Variants in TENM2 observed in about 807,000 individuals in gnomAD.
TENM2 encodes teneurin transmembrane protein 2, also known as teneurin-2.
TENM2 carries 52 observed loss-of-function variants against 245.2 expected under a neutral mutation model. That is an observed-to-expected ratio of 0.21 (90% CI 0.17 to 0.27). The LOEUF (loss-of-function observed/expected upper bound fraction) is 0.27, where lower values mean the gene tolerates loss of function less well. Ranked by LOEUF, TENM2 falls within the 10% of genes least tolerant of loss-of-function variation. The pLI, the probability that TENM2 is intolerant of heterozygous loss-of-function variation, is 1.00. For missense variants in TENM2, 3,046 were observed against 3,666.8 expected (o/e 0.83, Z 4.37); for synonymous variants, 1,363 against 1,438.9 (o/e 0.95, Z 1.19).
chr5:167,904,548 C>G (rs1056595902), intron 3 of TENM2, among the ~76,000 whole-genome samples: 3 of 152,134 alleles, frequency 2.0e-5, no homozygotes, highest in African/African-American at 7.2e-5. Context: ...GGATACTGAT[C>G]GAGCTTGCAT....
chr5:167,084,327 T>A, the TENM2 span, among the ~76,000 whole-genome samples: 34 of 23,166 alleles, frequency 1.5e-3, no homozygotes, highest in African/African-American at 3.0e-3. Flanking sequence ...GCCATTTTAG[T>A]TATATATATA....
chr5:167,702,735 ACTCACTGCAAC>A (rs2150446923), intron 2 of TENM2, among the ~76,000 whole-genome samples: 1 of 151,620 alleles, frequency 6.6e-6, no homozygotes, highest in East Asian at 2.0e-4. Flanking sequence ...TACAATCTCG[ACTCACTGCAAC>A]CTCCGCCTCC....
intron 27 of TENM2, among the ~76,000 whole-genome samples, chr5:168,252,672 C>T (rs1268134655): frequency 2.6e-5 from 4 of 151,350 alleles, no homozygotes; most frequent in Non-Finnish European, 5.9e-5. Context: ...GGTGAAACCC[C>T]GTCTCTACTA....
chr5:167,781,149 A>G (rs1056882543), intron 2 of TENM2, among the ~76,000 whole-genome samples: 4 of 152,194 alleles, frequency 2.6e-5, no homozygotes, highest in Non-Finnish European at 4.4e-5. Flanking sequence ...CATCTTTACA[A>G]AAAATGCACA....
At chr5:167,779,766 T>C (rs1764061599) in intron 2 of TENM2, among the ~76,000 whole-genome samples, 1 of 152,254 alleles carries the variant, frequency 6.6e-6, no homozygotes, top group Non-Finnish European at 1.5e-5. Context: ...TGTAACATTT[T>C]AGATAAGCCC....
intron 13 of TENM2, among the ~76,000 whole-genome samples, chr5:168,178,498 A>C (rs1759555503): frequency 6.6e-6 from 1 of 152,110 alleles, no homozygotes; most frequent in Non-Finnish European, 1.5e-5. Flanking sequence ...GGTATAAAAA[A>C]CGTGGCTCTA....
chr5:167,391,067 C>T (rs1002943038), intron 2 of TENM2, among the ~76,000 whole-genome samples: 2 of 152,148 alleles, frequency 1.3e-5, no homozygotes, highest in African/African-American at 4.8e-5. Flanking sequence ...CCCAAACCCA[C>T]CTACCCATCA....
At chr5:167,833,146 C>T (rs778442474) in intron 2 of TENM2, among the ~76,000 whole-genome samples, 3 of 152,108 alleles carry the variant, frequency 2.0e-5, no homozygotes, top group Admixed American at 6.5e-5. Flanking sequence ...TTATTTTATA[C>T]ATTTATTTAT....
chr5:167,559,488 T>G (rs1022353333), intron 2 of TENM2, among the ~76,000 whole-genome samples: 10 of 152,318 alleles, frequency 6.6e-5, no homozygotes, highest in African/African-American at 2.4e-4. Flanking sequence ...GGACTTGGTT[T>G]CTGACTTTCT....
intron 2 of TENM2, among the ~76,000 whole-genome samples, chr5:167,641,440 A>G (rs1363193442): frequency 6.6e-6 from 1 of 152,170 alleles, no homozygotes. Flanking sequence ...TAAGGAACTT[A>G]TCAAGATGGT....
At chr5:167,466,668 A>T (rs1766673474) in intron 2 of TENM2, among the ~76,000 whole-genome samples, 1 of 152,210 alleles carries the variant, frequency 6.6e-6, no homozygotes, top group Admixed American at 6.5e-5. Flanking sequence ...GACATTCAAT[A>T]TTCCAAAAAT....
At chr5:167,184,483 G>C in the TENM2 span, among the ~76,000 whole-genome samples, 4 of 152,162 alleles carry the variant, frequency 2.6e-5, no homozygotes, top group Non-Finnish European at 5.9e-5. Context: ...GGGGTGGAGG[G>C]AAGTGTCTCA....
At chr5:167,850,150 C>T (rs938971135) in intron 2 of TENM2, among the ~76,000 whole-genome samples, 1 of 152,142 alleles carries the variant, frequency 6.6e-6, no homozygotes, top group Admixed American at 6.5e-5. Flanking sequence ...CATGAGAAGA[C>T]AAAAGACTTT....
intron 1 of TENM2, among the ~76,000 whole-genome samples, chr5:167,347,906 C>T (rs1050391164): frequency 6.6e-6 from 1 of 152,110 alleles, no homozygotes; most frequent in East Asian, 1.9e-4. Context: ...CACAAGACTA[C>T]GGCAGATGGA....
intron 15 of TENM2, among the ~76,000 whole-genome samples, 161 bp from the exon 18 acceptor site, chr5:168,198,692 A>T (rs1761675002): frequency 6.6e-6 from 1 of 152,168 alleles, no homozygotes. Flanking sequence ...CTCAGCTAGT[A>T]AGTGATAGAG....
chr5:168,012,443 G>A (rs1479380071), intron 5 of TENM2, among the ~76,000 whole-genome samples: 1 of 151,950 alleles, frequency 6.6e-6, no homozygotes, highest in African/African-American at 2.4e-5. Context: ...AGGCATTTGA[G>A]ACCAGCCTGG....
chr5:168,219,440 C>G (rs1763471920), intron 23 of TENM2, among the ~76,000 whole-genome samples: 1 of 152,190 alleles, frequency 6.6e-6, no homozygotes, highest in Admixed American at 6.5e-5. Context: ...GAATTTCCTC[C>G]TTAGCAGAAG....
At chr5:167,465,713 C>A (rs1766603479) in intron 2 of TENM2, among the ~76,000 whole-genome samples, 1 of 152,150 alleles carries the variant, frequency 6.6e-6, no homozygotes, top group South Asian at 2.1e-4. Context: ...CGCCTGTAGT[C>A]CCAGCTACTC....
the TENM2 span, among the ~76,000 whole-genome samples, chr5:167,186,641 T>C: frequency 6.6e-6 from 1 of 152,174 alleles, no homozygotes; most frequent in East Asian, 1.9e-4. Flanking sequence ...AGCACGTGGG[T>C]CTTCCTGGAC....
Sources: gnomAD v4.1 joint callset for allele counts (sites outside exome capture counted in the v4.1 genomes callset) on GRCh38, gnomAD v4.1.1 for gene constraint, MANE v1.5 for transcripts, NCBI Gene and HGNC (gene_info 2026-07-23, HGNC 2026-07-21) for gene names.